The following EYS variants were observed in gnomAD, a reference collection of about 807,000 sequenced individuals.
EYS encodes the protein protein eyes shut homolog.
A neutral mutation model predicts 282.1 loss-of-function variants in EYS; 250 were observed. The ratio of observed to expected loss-of-function variants is 0.89; its 90% confidence interval spans 0.80 to 0.98. EYS has a LOEUF of 0.98. Among genes scored for constraint, EYS ranks in the 50% least tolerant of loss-of-function variants. The pLI, the probability that EYS is intolerant of heterozygous loss-of-function variation, is 0.00. For synonymous variants in EYS, 1,355 were observed against 1,282.9 expected (o/e 1.06, Z -1.20); for missense variants, 4,016 against 3,709.0 (o/e 1.08, Z -2.15).
Position 64,842,624 on chromosome 6 carries a change from G to A in EYS, c.2993-19802C>T, listed in dbSNP as rs189429971. Among the ~76,000 whole-genome samples, 528 of 152,074 alleles carry A rather than the reference G, an allele frequency of 3.5e-3. 2 individuals are homozygous for A. The highest frequency in any genetic ancestry group is 8.3e-3 in the Admixed American group (126 of 15,242). ...CTAAGGTCCAGGCTGAGGTGGTCTC[G>A]GATGGAGATGAGGAACTTGTTGGCA... On this transcript the variant is annotated intron_variant, in intron 19 of 42. Coordinates refer to ENST00000503581, the MANE Select transcript of EYS (RefSeq NM_001142800.2).
chr6:65,179,240 A>AC (rs1283478941), intron 12 of EYS, among the ~76,000 whole-genome samples: 5 of 91,290 alleles, frequency 5.5e-5, no homozygotes, highest in African/African-American at 1.2e-4. Flanking sequence ...ATAGAGACAC[A>AC]AAAAAAAACC....
At chr6:65,424,348 T>C (rs765467101) in intron 5 of EYS, among the ~76,000 whole-genome samples, 1 of 152,024 alleles carries the variant, frequency 6.6e-6, no homozygotes, top group Non-Finnish European at 1.5e-5. Flanking sequence ...TTTTCTTTAG[T>C]CTTACTCTCC....
chr6:63,889,742 T>C (rs1773360466), intron 35 of EYS, among the ~76,000 whole-genome samples: 1 of 152,144 alleles, frequency 6.6e-6, no homozygotes, highest in South Asian at 2.1e-4. Flanking sequence ...GCTAGCATCA[T>C]AGTGACAGGA....
intron 30 of EYS, among the ~76,000 whole-genome samples, chr6:64,235,272 A>G (rs1766561089): frequency 8.0e-6 from 1 of 125,108 alleles, no homozygotes; most frequent in African/African-American, 3.1e-5. Context: ...CCAGAGTGTG[A>G]TGTTCCCCTG....
intron 12 of EYS, among the ~76,000 whole-genome samples, chr6:65,254,240 A>G (rs1767402334): frequency 6.6e-6 from 1 of 151,856 alleles, no homozygotes; most frequent in South Asian, 2.1e-4. Context: ...AGACCAGTGC[A>G]CACATAGAAA....
At chr6:65,433,085 A>T (rs532053083) in intron 5 of EYS, among the ~76,000 whole-genome samples, 1 of 152,292 alleles carries the variant, frequency 6.6e-6, no homozygotes, top group East Asian at 1.9e-4. Flanking sequence ...TTAAGGAAAC[A>T]CATCAAGTGG....
chr6:65,030,944 G>A lies in EYS; in HGVS notation c.2137+26670C>T, dbSNP rs545978102. 2.6e-5 allele frequency among the ~76,000 whole-genome samples: 4 copies of A among 152,142 alleles called. No homozygotes were observed. In the South Asian group the frequency reaches 6.2e-4, roughly 24 times the overall value. ...ATGACACCCATAGCCTCAAACTAAA[G>A]AGATGGAGAAAATTCTACAAGGCAA... On this transcript the variant is annotated intron_variant, in intron 13 of 42. Transcript: ENST00000503581.
At chr6:64,182,962 C>A (rs375883048) in intron 31 of EYS, among the ~76,000 whole-genome samples, 2 of 152,092 alleles carry the variant, frequency 1.3e-5, no homozygotes, top group African/African-American at 4.8e-5. Flanking sequence ...TGTCCCCACC[C>A]AAATCTCACC....
At chr6:64,695,914 GC>G (rs1770562595) in intron 22 of EYS, among the ~76,000 whole-genome samples, 1 of 152,008 alleles carries the variant, frequency 6.6e-6, no homozygotes, top group African/African-American at 2.4e-5. Context: ...TCCCACATAT[GC>G]AAATAAATCA....
chr6:64,871,122 G>C lies in EYS; in HGVS notation c.2992+15575C>G, dbSNP rs144581139. Reference sequence around the variant, plus strand: ...ATTTCGCTCAAAATTAAGTTTCTACGATTTTTCTGCTGTTGTGTGAATTAC... The same window carrying C: ...ATTTCGCTCAAAATTAAGTTTCTACCATTTTTCTGCTGTTGTGTGAATTAC... On this transcript the variant is annotated intron_variant, in intron 19 of 42. Transcript: ENST00000503581. Among the ~76,000 whole-genome samples, 264 of 151,910 alleles carry C rather than the reference G, an allele frequency of 1.7e-3. 1 individual carries two copies. The highest frequency in any genetic ancestry group is 6.1e-3 in the African/African-American group (252 of 41,508).
chr6:63,795,283 G>T (rs1161366022), intron 37 of EYS, among the ~76,000 whole-genome samples: 2 of 152,210 alleles, frequency 1.3e-5, no homozygotes, highest in African/African-American at 4.8e-5. Context: ...AATGCACCAA[G>T]AATAGTGATT....
chr6:65,049,562 A>G (rs1236447420), intron 13 of EYS, among the ~76,000 whole-genome samples: 1 of 151,760 alleles, frequency 6.6e-6, no homozygotes, highest in African/African-American at 2.4e-5. Flanking sequence ...ATGCTGAATA[A>G]TATCACAGTT....
chr6:63,918,149 A>G (rs1380815565), intron 35 of EYS, among the ~76,000 whole-genome samples: 1 of 152,152 alleles, frequency 6.6e-6, no homozygotes, highest in Non-Finnish European at 1.5e-5. Flanking sequence ...TGCATAAATA[A>G]TACTCCTGAT....
chr6:65,513,105 G>T (rs922543207), intron 2 of EYS, among the ~76,000 whole-genome samples: 2 of 152,050 alleles, frequency 1.3e-5, no homozygotes, highest in Non-Finnish European at 2.9e-5. Flanking sequence ...GGATAAAGGG[G>T]ATATCACCAC....
chr6:64,274,368 C>T (rs1190633307), intron 30 of EYS, among the ~76,000 whole-genome samples: 1 of 151,692 alleles, frequency 6.6e-6, no homozygotes, highest in East Asian at 1.9e-4. Flanking sequence ...AGACGGGTTT[C>T]GTCATTTTGC....
chr6:63,833,322 C>T (rs556586298), intron 36 of EYS, among the ~76,000 whole-genome samples: 18 of 152,092 alleles, frequency 1.2e-4, no homozygotes, highest in African/African-American at 2.4e-4. Context: ...AAAACCCCAT[C>T]GTCTCAGCCC....
intron 14 of EYS, among the ~76,000 whole-genome samples, chr6:64,995,967 A>G (rs1771247267): frequency 6.6e-6 from 1 of 152,198 alleles, no homozygotes; most frequent in African/African-American, 2.4e-5. Context: ...GTGGAATCTT[A>G]TATTACAGGT....
chr6:64,584,614 A>G (rs1183416346), intron 26 of EYS, among the ~76,000 whole-genome samples: 2 of 152,042 alleles, frequency 1.3e-5, no homozygotes, highest in Non-Finnish European at 2.9e-5. Context: ...AATTTGTATC[A>G]CATTTTGAAT....
intron 31 of EYS, among the ~76,000 whole-genome samples, chr6:64,120,061 C>A: frequency 6.6e-6 from 1 of 151,830 alleles, no homozygotes. Context: ...AAACGTATAT[C>A]TTTTGGCCAG....
Sources: gnomAD v4.1 joint callset for allele counts (sites outside exome capture counted in the v4.1 genomes callset) on GRCh38, gnomAD v4.1.1 for gene constraint, MANE v1.5 for transcripts, NCBI Gene and HGNC (gene_info 2026-07-23, HGNC 2026-07-21) for gene names.